The following ENTREP2 variants were observed in gnomAD, a reference collection of about 807,000 sequenced individuals.
The protein encoded by ENTREP2 is endosomal transmembrane epsin interactor 2.
At chr15:29,156,159 T>C in the ENTREP2 span, among the ~76,000 whole-genome samples, 1 of 151,982 alleles carries the variant, frequency 6.6e-6, no homozygotes, top group Non-Finnish European at 1.5e-5. Flanking sequence ...TTGTTGTTGT[T>C]GTTTGTGGTG....
At chr15:29,132,905 T>C in the ENTREP2 span, among the ~76,000 whole-genome samples, 1 of 152,012 alleles carries the variant, frequency 6.6e-6, no homozygotes, top group Non-Finnish European at 1.5e-5. Flanking sequence ...CCAGTCCCAG[T>C]GCAGAGCCGG....
chr15:29,381,369 T>C, the ENTREP2 span, among the ~76,000 whole-genome samples: 1 of 140,418 alleles, frequency 7.1e-6, no homozygotes, highest in Non-Finnish European at 1.5e-5. Context: ...AGGCAGAGAA[T>C]CATTTGAACC....
the ENTREP2 span, among the ~76,000 whole-genome samples, chr15:29,490,009 A>G: frequency 6.6e-6 from 1 of 152,244 alleles, no homozygotes; most frequent in African/African-American, 2.4e-5. Context: ...CAATAATTCT[A>G]TTGGGTTCAA....
At chr15:29,315,708 G>T in the ENTREP2 span, among the ~76,000 whole-genome samples, 1 of 152,100 alleles carries the variant, frequency 6.6e-6, no homozygotes, top group Non-Finnish European at 1.5e-5. Context: ...AAAAACTGAT[G>T]AACTTAACTA....
the ENTREP2 span, among the ~76,000 whole-genome samples, chr15:29,631,531 G>A: frequency 1.4e-4 from 21 of 152,328 alleles, no homozygotes; most frequent in Non-Finnish European, 2.6e-4. Flanking sequence ...GGGGCACTCT[G>A]CAATGCGTAT....
the ENTREP2 span, among the ~76,000 whole-genome samples, chr15:29,433,977 C>G: frequency 1.3e-5 from 2 of 152,090 alleles, no homozygotes; most frequent in African/African-American, 2.4e-5. Flanking sequence ...TTCTTACTAC[C>G]CAGCATTACA....
chr15:29,531,787 T>G, the ENTREP2 span, among the ~76,000 whole-genome samples: 11 of 152,258 alleles, frequency 7.2e-5, no homozygotes, highest in South Asian at 2.1e-3. Flanking sequence ...TGCCTCAGCC[T>G]GGGGAGAAGC....
At chr15:29,407,162 C>A in the ENTREP2 span, among the ~76,000 whole-genome samples, 8 of 152,180 alleles carry the variant, frequency 5.3e-5, no homozygotes, top group African/African-American at 1.9e-4. Flanking sequence ...CATACCTAGG[C>A]TGTATGGTAC....
the ENTREP2 span, among the ~76,000 whole-genome samples, chr15:29,399,597 G>T: frequency 1.3e-5 from 2 of 152,100 alleles, no homozygotes; most frequent in East Asian, 3.9e-4. Context: ...GTTGTCCCTT[G>T]AACAAGAGGG....
At chr15:29,147,879 A>C in the ENTREP2 span, among the ~76,000 whole-genome samples, 1 of 152,256 alleles carries the variant, frequency 6.6e-6, no homozygotes, top group Admixed American at 6.5e-5. Flanking sequence ...ACAGCCAAGA[A>C]GGCAAACAGC....
the ENTREP2 span, among the ~76,000 whole-genome samples, chr15:29,421,751 T>A: frequency 1.3e-5 from 2 of 152,200 alleles, no homozygotes; most frequent in South Asian, 2.1e-4. Flanking sequence ...AAAGAGAGCT[T>A]ACTCTCCTAA....
At chr15:29,202,650 G>T in the ENTREP2 span, among the ~76,000 whole-genome samples, 1 of 151,910 alleles carries the variant, frequency 6.6e-6, no homozygotes, top group Non-Finnish European at 1.5e-5. Context: ...CCCAACCCCT[G>T]ACAGGCCCTG....
At chr15:29,646,639 G>T in the ENTREP2 span, among the ~76,000 whole-genome samples, 2 of 152,148 alleles carry the variant, frequency 1.3e-5, no homozygotes, top group African/African-American at 4.8e-5. Flanking sequence ...AATCTCACAG[G>T]TTAATCTCTG....
the ENTREP2 span, among the ~76,000 whole-genome samples, chr15:29,165,644 T>G: frequency 0.037 from 5,622 of 152,178 alleles, 348 homozygotes; most frequent in African/African-American, 0.13. Context: ...ATTAGATACC[T>G]TGAACAGACC....
the ENTREP2 span, among the ~76,000 whole-genome samples, chr15:29,487,873 A>G: frequency 5.3e-5 from 8 of 152,160 alleles, no homozygotes; most frequent in African/African-American, 1.9e-4. Context: ...TTCTATTTTT[A>G]GTAGAGACGG....
chr15:29,315,591 G>A, the ENTREP2 span, among the ~76,000 whole-genome samples: 1 of 152,082 alleles, frequency 6.6e-6, no homozygotes, highest in Admixed American at 6.5e-5. Context: ...AAACTTAAAT[G>A]GAGACAGAGA....
the ENTREP2 span, among the ~76,000 whole-genome samples, chr15:29,306,057 CACTG>C: frequency 6.6e-6 from 1 of 152,336 alleles, no homozygotes; most frequent in Admixed American, 6.5e-5. Flanking sequence ...AGAGTCTAAT[CACTG>C]ACTGCGGGAT....
At chr15:29,168,737 C>A in the ENTREP2 span, among the ~76,000 whole-genome samples, 1 of 152,192 alleles carries the variant, frequency 6.6e-6, no homozygotes, top group Admixed American at 6.5e-5. Flanking sequence ...TCAGGCACCA[C>A]CAGTAACACA....
At chr15:29,142,363 A>G in the ENTREP2 span, among the ~76,000 whole-genome samples, 103 of 152,362 alleles carry the variant, frequency 6.8e-4, no homozygotes, top group African/African-American at 2.3e-3. Flanking sequence ...CATCATTTTT[A>G]TGATTGTCTG....
Sources: gnomAD v4.1 joint callset for allele counts (sites outside exome capture counted in the v4.1 genomes callset) on GRCh38, gnomAD v4.1.1 for gene constraint, MANE v1.5 for transcripts, NCBI Gene and HGNC (gene_info 2026-07-23, HGNC 2026-07-21) for gene names.